SZRD1: variants seen among roughly 807,000 people sequenced by gnomAD.
SZRD1 encodes the protein SUZ RNA binding domain containing 1.
In SZRD1, 7 loss-of-function variants were observed where a neutral mutation model predicts 17.6. The ratio of observed to expected loss-of-function variants is 0.40; its 90% CI spans 0.23 to 0.75. The LOEUF (loss-of-function observed/expected upper bound fraction) is 0.75, where lower values mean the gene tolerates loss of function less well. SZRD1 is among the 30% of genes least tolerant of loss of function. The pLI is 0.38. For synonymous variants in SZRD1, 77 were observed against 77.9 expected (o/e 0.99, Z 0.06); for missense variants, 178 against 201.8 (o/e 0.88, Z 0.71).
chr1:16,387,911 A>T (rs542480305), intron 1 of SZRD1: 7 of 345,544 alleles, frequency 2.0e-5, no homozygotes, highest in African/African-American at 1.5e-4. Flanking sequence ...TACGTAGTGG[A>T]CATAGATTCT....
intron 1 of SZRD1, among the ~76,000 whole-genome samples, chr1:16,389,284 G>T (rs1373327973): frequency 1.6e-5 from 2 of 127,828 alleles, no homozygotes; most frequent in African/African-American, 5.7e-5. Context: ...GGTGGGGGGG[G>T]GGCAGAGTCT....
At chr1:16,367,542 TCACCCGGGGCGCCCCACCCGC>T (rs1399111578) in intron 1 of SZRD1, among the ~76,000 whole-genome samples, 2 of 152,138 alleles carry the variant, frequency 1.3e-5, no homozygotes, top group African/African-American at 2.4e-5. Context: ...AACGCGCGCG[TCACCCGGGGCGCCCCACCCGC>T]CACCCGGGGC....
chr1:16,388,572 G>C (rs920218954), intron 1 of SZRD1, among the ~76,000 whole-genome samples: 3 of 150,360 alleles, frequency 2.0e-5, no homozygotes, highest in Non-Finnish European at 3.0e-5. Context: ...AGGAAATACT[G>C]ACCAAAAGAA....
intron 1 of SZRD1, among the ~76,000 whole-genome samples, chr1:16,368,365 A>T (rs1380907598): frequency 6.6e-6 from 1 of 151,998 alleles, no homozygotes; most frequent in Non-Finnish European, 1.5e-5. Flanking sequence ...GGTGCTTATG[A>T]GCTCTGGAAG....
At position 16,391,882 on chromosome 1, in the gene SZRD1, G is replaced by GA. The variant is rs756917600; in HGVS notation, c.101+464dup. Among the ~76,000 whole-genome samples the GA allele has an allele frequency of 3.9e-5, 6 of 152,204 alleles. No individual in the cohort carries two copies. Among genetic ancestry groups the GA allele is most frequent in the South Asian group, 2.1e-4 (1 of 4,812 alleles). On this transcript the variant is annotated intron_variant, in intron 2 of 3. Transcript: ENST00000401088. This position sits in a 1 kb window ranked among gnomAD's most constrained non-coding sequence, Gnocchi z 4.3. Reference sequence around the variant, plus strand: ...GAAGAAAACATTCTAGGAAATTCTTGAAAAAACCTTTAAAAATAGCTTTGT... The same window carrying GA: ...GAAGAAAACATTCTAGGAAATTCTTGAAAAAAACCTTTAAAAATAGCTTTGT...
Position 16,385,389 on chromosome 1 carries a change from AATCAGTCCCCCAGGGCATC to A in SZRD1, c.52-5981_52-5963del. Among the ~76,000 whole-genome samples, 3 of 152,238 alleles carry A rather than the reference AATCAGTCCCCCAGGGCATC, an allele frequency of 2.0e-5. No homozygotes were observed. The Middle Eastern group carries it at 0.01, about 518-fold the overall frequency. On this transcript the variant is annotated intron_variant, in intron 1 of 3. Coordinates refer to ENST00000401088, the MANE Select transcript of SZRD1 (RefSeq NM_001114600.3). ...GTCTCTTGTGAGCTTGGCTAGTTCG[AATCAGTCCCCCAGGGCATC>A]ATCACCCCAGGCTGTTGTGTAAACA... is the stretch of plus-strand genomic sequence containing the variant.
intron 1 of SZRD1, among the ~76,000 whole-genome samples, chr1:16,374,760 C>G (rs2100701057): frequency 6.6e-6 from 1 of 152,170 alleles, no homozygotes; most frequent in East Asian, 1.9e-4. Context: ...AACTACTGAC[C>G]TGTTGGTTTC....
intron 1 of SZRD1, among the ~76,000 whole-genome samples, chr1:16,378,890 C>G (rs997727517): frequency 6.6e-6 from 1 of 151,880 alleles, no homozygotes; most frequent in Non-Finnish European, 1.5e-5. Flanking sequence ...CCACGCCCGG[C>G]TAATTTTTGT....
rs2085306943 is a variant in SZRD1 at position 16,396,081 on chromosome 1, T to A, written c.*941T>A. 1.3e-5 allele frequency: 2 copies of A among 152,400 alleles called. No individual in the cohort carries two copies. Among genetic ancestry groups the A allele is most frequent in the Non-Finnish European group, 2.9e-5 (2 of 68,018 alleles). The allele number at this position is 152,400 out of a possible 1,614,324, so 9.4% of individuals were successfully genotyped here. ...TAGAAGAAAGCAGAGTGCCAGGGAGTGAGATTGCATCCCTGGGCTTAGAAG... is the reference window on the plus strand; with the variant it reads ...TAGAAGAAAGCAGAGTGCCAGGGAGAGAGATTGCATCCCTGGGCTTAGAAG... On this transcript the variant is annotated 3_prime_UTR_variant, in exon 4 of 4. Transcript: ENST00000401088.
intron 2 of SZRD1, among the ~76,000 whole-genome samples, chr1:16,392,359 C>T (rs896582534): frequency 2.0e-5 from 3 of 152,104 alleles, no homozygotes; most frequent in Non-Finnish European, 2.9e-5. Flanking sequence ...TGGCTGTTGT[C>T]GGGTGGTCAT....
rs1027391879 is a variant in SZRD1, at chr1:16,395,599, T to C, written c.*459T>C. ...AAAAAGTAAGTTCCATTTGAAAATATCCTTTCTTTTTTTTTTCTTCCTATT... is the reference window on the plus strand; with the variant it reads ...AAAAAGTAAGTTCCATTTGAAAATACCCTTTCTTTTTTTTTTCTTCCTATT... On this transcript the variant is annotated 3_prime_UTR_variant, in exon 4 of 4. Coordinates refer to ENST00000401088, the MANE Select transcript of SZRD1 (RefSeq NM_001114600.3). 6 of 156,726 alleles carry C rather than the reference T, an allele frequency of 3.8e-5. No homozygotes were observed. The highest frequency in any genetic ancestry group is 1.0e-4 in the African/African-American group (4 of 39,598). 9.7% of individuals were successfully genotyped at this position (156,726 alleles called of 1,614,324 possible).
At chr1:16,375,690 A>G (rs2100703539) in intron 1 of SZRD1, among the ~76,000 whole-genome samples, 1 of 152,260 alleles carries the variant, frequency 6.6e-6, no homozygotes, top group South Asian at 2.1e-4. Flanking sequence ...CCCCCCAACA[A>G]ACTCGTTCCC....
At chr1:16,386,535 G>A (rs74055648) in intron 1 of SZRD1, among the ~76,000 whole-genome samples, 3 of 152,192 alleles carry the variant, frequency 2.0e-5, no homozygotes, top group Non-Finnish European at 4.4e-5. Context: ...AGAGCAGATT[G>A]ATTGCAAGGC....
At chr1:16,383,854 G>A (rs2083146623) in intron 1 of SZRD1, among the ~76,000 whole-genome samples, 1 of 152,212 alleles carries the variant, frequency 6.6e-6, no homozygotes, top group African/African-American at 2.4e-5. Context: ...TCCTGACCTC[G>A]TGATCCGCCC....
At chr1:16,367,985 A>G (rs1192539077) in intron 1 of SZRD1, 3 of 152,224 alleles carry the variant, frequency 2.0e-5, no homozygotes. Context: ...GGCCCCGGGA[A>G]GGTCTAGGAG....
intron 1 of SZRD1, among the ~76,000 whole-genome samples, chr1:16,371,489 T>G (rs2082913179): frequency 6.8e-6 from 1 of 146,838 alleles, no homozygotes; most frequent in Non-Finnish European, 1.5e-5. Context: ...CGAGATGGAG[T>G]CTTGCTCTGT....
intron 1 of SZRD1, among the ~76,000 whole-genome samples, chr1:16,370,525 C>G (rs898041614): frequency 2.0e-5 from 3 of 149,348 alleles, no homozygotes; most frequent in African/African-American, 7.4e-5. Context: ...CTGCACCTGG[C>G]CTTTTTTTTT....
rs915237840 is a variant in SZRD1 at position 16,396,111 on chromosome 1, G to A, written c.*971G>A. On this transcript the variant is annotated 3_prime_UTR_variant, in exon 4 of 4. Transcript: ENST00000401088. The stretch of plus-strand genomic sequence containing the variant: ...TTGCATCCCTGGGCTTAGAAGTGAC[G>A]GAGAGAAGACTTGTTTAGTATTTTG... 7 of 152,660 alleles carry A rather than the reference G, an allele frequency of 4.6e-5. No individual in the cohort carries two copies. The highest frequency in any genetic ancestry group is 1.4e-4 in the African/African-American group (6 of 41,448). 9.5% of individuals were successfully genotyped at this position (152,660 alleles called of 1,614,324 possible).
intron 1 of SZRD1, among the ~76,000 whole-genome samples, chr1:16,382,501 T>G (rs77652222): frequency 2.0e-5 from 3 of 148,100 alleles, no homozygotes; most frequent in African/African-American, 7.6e-5. Context: ...TGGTTTTTTT[T>G]TTTGTTTTTT....
Sources: allele counts gnomAD v4.1 joint callset (sites outside exome capture counted in the v4.1 genomes callset), GRCh38; gene constraint gnomAD v4.1.1; non-coding constraint Gnocchi (gnomAD v3.1); transcripts MANE v1.5; gene names NCBI Gene and HGNC (gene_info 2026-07-23, HGNC 2026-07-21).